MIDEAS: variants seen among roughly 807,000 people sequenced by gnomAD.
The protein encoded by MIDEAS is mitotic deacetylase associated SANT domain protein.
MIDEAS carries 26 observed loss-of-function variants against 102.7 expected under a neutral mutation model. That is an observed-to-expected ratio of 0.25 (90% CI 0.19 to 0.35). The LOEUF (loss-of-function observed/expected upper bound fraction) is 0.35. MIDEAS is among the 10% of genes least tolerant of loss of function. The pLI is 1.00. For synonymous variants in MIDEAS, 585 were observed against 591.0 expected (o/e 0.99, Z 0.15); for missense variants, 1,231 against 1,435.6 (o/e 0.86, Z 2.30).
intron 1 of MIDEAS, among the ~76,000 whole-genome samples, chr14:73,786,854 C>A (rs565324470): frequency 6.6e-6 from 1 of 152,008 alleles, no homozygotes; most frequent in African/African-American, 2.4e-5. Context: ...GCCAACGGCG[C>A]CTGGAGCTGG....
At chr14:73,787,328 T>C (rs1309226085), upstream of MIDEAS, 1 of 150,320 alleles carries the variant, frequency 6.7e-6, no homozygotes, top group East Asian at 2.0e-4. Context: ...CGCGCGCCCC[T>C]GGCCCCAGGC....
chr14:73,726,288 C>G (rs2053060053), intron 7 of MIDEAS, among the ~76,000 whole-genome samples, 180 bp from the exon 8 acceptor site: 1 of 152,074 alleles, frequency 6.6e-6, no homozygotes, highest in Non-Finnish European at 1.5e-5. Flanking sequence ...GCCCAGAAAA[C>G]AGACCTCAGG....
chr14:73,765,800 G>A (rs2053587784), intron 1 of MIDEAS, among the ~76,000 whole-genome samples: 2 of 152,106 alleles, frequency 1.3e-5, no homozygotes, highest in Admixed American at 1.3e-4. Flanking sequence ...GCTCTTCCAG[G>A]AAGCGTTCAT....
intron 1 of MIDEAS, among the ~76,000 whole-genome samples, chr14:73,743,346 C>G (rs1325864979): frequency 6.6e-6 from 1 of 152,184 alleles, no homozygotes; most frequent in African/African-American, 2.4e-5. Flanking sequence ...GAAGGGAGAG[C>G]AGGAAAAGGT....
rs1411794635 is a variant in MIDEAS at position 73,773,873 on chromosome 14, T to A, written c.-248+13229A>T. ...CCCTGTCTCTACTGAAATACAAAAA[T>A]GAGCTGGGCATGGTGGTGGGCGCCT... is the stretch of plus-strand genomic sequence containing the variant. On this transcript the variant is annotated intron_variant, in intron 1 of 11. Transcript: ENST00000394071. 1.3e-5 allele frequency among the ~76,000 whole-genome samples: 2 copies of A among 151,442 alleles called. 1 individual carries two copies. The highest frequency in any genetic ancestry group is 4.8e-5 in the African/African-American group (2 of 41,300).
chr14:73,769,258 G>A (rs2053620193), intron 1 of MIDEAS, among the ~76,000 whole-genome samples: 1 of 152,228 alleles, frequency 6.6e-6, no homozygotes, highest in African/African-American at 2.4e-5. Context: ...GGCCAGTGAG[G>A]AAGAGAGGAC....
At chr14:73,781,734 CAAAAA>C (rs72374466) in intron 1 of MIDEAS, among the ~76,000 whole-genome samples, 4 of 73,590 alleles carry the variant, frequency 5.4e-5, no homozygotes, top group African/African-American at 1.8e-4. Context: ...AACTCTGTCT[CAAAAA>C]AAAAAAAAAA....
In MIDEAS at chr14:73,757,279, C is replaced by CAAAAAAAAAAAAAAAAAAAA. The variant is rs370387448; in HGVS notation, c.-248+2483_-248+2484insTTTTTTTTTTTTTTTTTTTT. On this transcript the variant is annotated intron_variant, in intron 1 of 12. Transcript: ENST00000423556. ...AGAGAAAGACCCTATCTCTAACAAC[C>CAAAAAAAAAAAAAAAAAAAA]AAAAAAAAAAAAAAACACTAAACAC... Among the ~76,000 whole-genome samples the CAAAAAAAAAAAAAAAAAAAA allele has an allele frequency of 1.1e-3, 72 of 67,688 alleles. 9 individuals carry two copies. Among genetic ancestry groups the CAAAAAAAAAAAAAAAAAAAA allele is most frequent in the Middle Eastern group, 0.013 (1 of 76 alleles). 44.4% of individuals were successfully genotyped at this position (67,688 alleles called of 152,430 possible). A position where few individuals can be genotyped will look rare whatever the true frequency, so the allele number is the denominator to read the frequency against.
intron 1 of MIDEAS, among the ~76,000 whole-genome samples, chr14:73,749,021 T>C (rs190326155): frequency 5.3e-5 from 8 of 152,062 alleles, no homozygotes; most frequent in Admixed American, 1.3e-4. Context: ...ATTTTATACA[T>C]ACACATGAGA....
rs1275031143 is a variant in MIDEAS at position 73,742,340 on chromosome 14, G to A, written c.-247-2085C>T. ...AGGCCTGGAGCAAGGGAAGGTCCAC[G>A]TGGCGGGTGGGCCTGGATGCACGTG... is the stretch of plus-strand genomic sequence containing the variant. On this transcript the variant is annotated intron_variant, in intron 1 of 12. Coordinates refer to ENST00000423556, the MANE Select transcript of MIDEAS (RefSeq NM_001367710.1). This position sits in a 1 kb window ranked among gnomAD's most constrained non-coding sequence, Gnocchi z 4.4. Among the ~76,000 whole-genome samples the A allele has an allele frequency of 1.3e-5, 2 of 152,248 alleles. No homozygotes were observed. Among genetic ancestry groups the A allele is most frequent in the Non-Finnish European group, 2.9e-5 (2 of 68,042 alleles).
At chr14:73,730,418 G>T (rs2140108524) in intron 3 of MIDEAS, among the ~76,000 whole-genome samples, 1 of 152,274 alleles carries the variant, frequency 6.6e-6, no homozygotes, top group Admixed American at 6.5e-5. Flanking sequence ...CTTGGGTTGG[G>T]ACCTACCACC....
chr14:73,782,176 T>G (rs1375386330), intron 1 of MIDEAS, among the ~76,000 whole-genome samples: 1 of 152,222 alleles, frequency 6.6e-6, no homozygotes, highest in Non-Finnish European at 1.5e-5. Flanking sequence ...AAGGTTGTGA[T>G]TAACAGCATG....
intron 1 of MIDEAS, among the ~76,000 whole-genome samples, chr14:73,779,866 C>T (rs111815005): frequency 5.2e-4 from 76 of 146,490 alleles, no homozygotes; most frequent in African/African-American, 1.8e-3. Context: ...CGTGAGCCAC[C>T]GCGCCCGGCC....
In MIDEAS at chr14:73,739,541, C is replaced by T. The variant is rs776882723; in HGVS notation, c.468G>A (p.Pro156=). 9 of 1,614,014 alleles carry T rather than the reference C, an allele frequency of 5.6e-6. No individual in the cohort carries two copies. Among genetic ancestry groups the T allele is most frequent in the Admixed American group, 3.3e-5 (2 of 60,002 alleles). The change falls in exon 2 of 13, where the codon CCG becomes CCA. Residue 156 remains proline (P), a synonymous_variant. Coordinates refer to ENST00000423556, the MANE Select transcript of MIDEAS (RefSeq NM_001367710.1). Reference sequence around the variant, plus strand: ...GTGCCTCAGGGTGGTTATAGTAAGTCGGGACTCCCACTCCAGGATGCGGGC... The same window carrying T: ...GTGCCTCAGGGTGGTTATAGTAAGTTGGGACTCCCACTCCAGGATGCGGGC... ...KGSPHPGVGV[P]TYYNHPEALK... is the part of the protein sequence containing the mutation.
At chr14:73,734,172 A>AT (rs773416647) in intron 3 of MIDEAS, among the ~76,000 whole-genome samples, 3 of 151,360 alleles carry the variant, frequency 2.0e-5, no homozygotes, top group Non-Finnish European at 4.4e-5. Context: ...TTTAGTAGAG[A>AT]CGGGGTTTCA....
chr14:73,725,096 A>C lies in MIDEAS; in HGVS notation c.2574+176T>G, dbSNP rs931467561. ...TGAGGAAAGGATGCTTAGAACCAAA[A>C]GGGAAAAGAGACCTATCTTTCTCTT... is the stretch of plus-strand genomic sequence containing the variant. On this transcript the variant is annotated intron_variant, in intron 9 of 12. Transcript: ENST00000423556. The surrounding 1 kb of genome is among the most constrained non-coding windows in gnomAD (Gnocchi z 4.1). 5 of 589,852 alleles carry C rather than the reference A, an allele frequency of 8.5e-6. No homozygotes were observed. In the African/African-American group the frequency reaches 9.3e-5, roughly 11 times the overall value. The allele number at this position is 589,852 out of a possible 1,614,324, so 36.5% of individuals were successfully genotyped here. A position where few individuals can be genotyped will look rare whatever the true frequency, so the allele number is the denominator to read the frequency against.
intron 1 of MIDEAS, among the ~76,000 whole-genome samples, chr14:73,785,189 T>C (rs1436686844): frequency 4.6e-5 from 7 of 152,240 alleles, no homozygotes; most frequent in East Asian, 1.9e-4. Flanking sequence ...AGATTTAGAA[T>C]GTGAAAACGA....
intron 3 of MIDEAS, among the ~76,000 whole-genome samples, chr14:73,733,855 C>G (rs999492931): frequency 1.3e-5 from 2 of 151,782 alleles, no homozygotes; most frequent in African/African-American, 2.4e-5. Context: ...CCATCATGCC[C>G]GGCTAATTTT....
chr14:73,755,782 T>TA (rs2053472297), intron 1 of MIDEAS, among the ~76,000 whole-genome samples: 2 of 152,198 alleles, frequency 1.3e-5, no homozygotes, highest in African/African-American at 4.8e-5. Context: ...AGTGGCCTGG[T>TA]AGATTGCTTT....
Sources: gnomAD v4.1 joint callset for allele counts (sites outside exome capture counted in the v4.1 genomes callset) on GRCh38, gnomAD v4.1.1 for gene constraint, Gnocchi (gnomAD v3.1) non-coding constraint, MANE v1.5 for transcripts, NCBI Gene and HGNC (gene_info 2026-07-23, HGNC 2026-07-21) for gene names.